The following SORT1 variants were observed in gnomAD, a reference collection of about 807,000 sequenced individuals.
The protein encoded by SORT1 is sortilin.
SORT1 carries 39 observed loss-of-function variants against 101.7 expected under a neutral mutation model. The ratio of observed to expected loss-of-function variants is 0.38; its 90% CI spans 0.30 to 0.50. The LOEUF (loss-of-function observed/expected upper bound fraction) is 0.50, where lower values mean the gene tolerates loss of function less well. Ranked by LOEUF, SORT1 falls within the 20% of genes least tolerant of loss-of-function variation. SORT1 has a pLI of 0.90. For synonymous variants in SORT1, 396 were observed against 393.7 expected (o/e 1.01, Z -0.07); for missense variants, 878 against 1,040.4 (o/e 0.84, Z 2.15).
intron 1 of SORT1, among the ~76,000 whole-genome samples, chr1:109,395,631 G>C (rs1428271856): frequency 6.6e-6 from 1 of 152,194 alleles, no homozygotes; most frequent in Non-Finnish European, 1.5e-5. Flanking sequence ...TTCTTTACAT[G>C]TGGACTTCAA....
At position 109,333,205 on chromosome 1, in the gene SORT1, C is replaced by G. The variant is rs190517585; in HGVS notation, c.1371+3035G>C. ...CCTCCCAAAGTGCTGGGATTACAGGCGTGAGCCACCACACCTGGCCTCAAT... is the reference window on the plus strand; with the variant it reads ...CCTCCCAAAGTGCTGGGATTACAGGGGTGAGCCACCACACCTGGCCTCAAT... On this transcript the variant is annotated intron_variant, in intron 11 of 19. Coordinates refer to ENST00000256637, the MANE Select transcript of SORT1 (RefSeq NM_002959.7). Among the ~76,000 whole-genome samples, 14 of 152,256 alleles carry G rather than the reference C, an allele frequency of 9.2e-5. No individual in the cohort carries two copies. The East Asian group carries it at 1.3e-3, about 15-fold the overall frequency.
rs1310770838 is a variant in SORT1, at chr1:109,314,392, C to A, written c.2358-8G>T. On this transcript the variant is annotated splice_polypyrimidine_tract_variant and splice_region_variant and intron_variant, in intron 18 of 19. Coordinates refer to ENST00000256637, the MANE Select transcript of SORT1 (RefSeq NM_002959.7). Reference sequence around the variant, plus strand: ...TATCGATGCACCAGGAACCTGTGAACAGAAACCTCCTTAACACTCGGTGGT... The same window carrying A: ...TATCGATGCACCAGGAACCTGTGAAAAGAAACCTCCTTAACACTCGGTGGT... 7 of 1,613,444 alleles carry A rather than the reference C, an allele frequency of 4.3e-6. No homozygotes were observed. The highest frequency in any genetic ancestry group is 5.1e-6 in the Non-Finnish European group (6 of 1,179,838).
rs757163280 is a variant in SORT1 at position 109,316,891 on chromosome 1, T to C, written c.2209A>G (p.Lys737Glu). The change falls in exon 17 of 20, where the codon AAA (lysine) becomes GAA (glutamate). Residue 737 changes from lysine to glutamate, a missense_variant. Around this residue, in one of 2 missense-constraint regions of SORT1, gnomAD observed 684 missense variants for 894.5 expected, o/e 0.76. Transcript: ENST00000256637. Reference protein sequence around the residue: ...VNPVREVKDLKKKCTSNFLSP... With the variant: ...VNPVREVKDLEKKCTSNFLSP... ...AAAAAGTTGCTTGTGCATTTCTTTTTCAAGTCTTTTACTTCTCGAACTGGA... is the reference window on the plus strand; with the variant it reads ...AAAAAGTTGCTTGTGCATTTCTTTTCCAAGTCTTTTACTTCTCGAACTGGA... 3.7e-6 allele frequency: 6 copies of C among 1,612,326 alleles called. No homozygotes were observed. In the African/African-American group the frequency reaches 8.0e-5, roughly 22 times the overall value.
chr1:109,389,759 G>C (rs1652791744), intron 1 of SORT1: 2 of 152,176 alleles, frequency 1.3e-5, no homozygotes, highest in African/African-American at 4.8e-5. Context: ...CAAGTATAAA[G>C]GATGGTCTGC....
chr1:109,377,829 C>T (rs1651961322), intron 1 of SORT1, among the ~76,000 whole-genome samples: 1 of 152,040 alleles, frequency 6.6e-6, no homozygotes, highest in African/African-American at 2.4e-5. Flanking sequence ...AGATAATATG[C>T]AAGTATCTTG....
At chr1:109,338,690 A>C (rs1365609369) in intron 10 of SORT1, among the ~76,000 whole-genome samples, 1 of 152,060 alleles carries the variant, frequency 6.6e-6, no homozygotes, top group Non-Finnish European at 1.5e-5. Context: ...TAGATTCAAA[A>C]CATCTTTTTT....
At position 109,348,521 on chromosome 1, in the gene SORT1, C is replaced by T. The variant is rs535758445; in HGVS notation, c.783-989G>A. On this transcript the variant is annotated intron_variant, in intron 6 of 19. Transcript: ENST00000256637. ...TGTTTATTTAAGTGACGGAGTCTTG[C>T]TCTGTCACCTAGTTTGGAGTGCAGT... Among the ~76,000 whole-genome samples the T allele has an allele frequency of 8.5e-5, 13 of 152,198 alleles. No homozygotes were observed. The East Asian group carries it at 2.1e-3, about 25-fold the overall frequency.
In SORT1 at chr1:109,314,022, G is replaced by T; in HGVS notation, c.*21C>A. ...GTACTGTGGTTCCACCATCCATGCT[G>T]GGTCCAGCTCCTCTGAAGAGCTATT... On this transcript the variant is annotated 3_prime_UTR_variant, in exon 20 of 20. Transcript: ENST00000256637. 6.2e-7 allele frequency: 1 copy of T among 1,613,018 alleles called. No homozygotes were observed. The highest frequency in any genetic ancestry group is 8.5e-7 in the Non-Finnish European group (1 of 1,179,028).
At position 109,342,097 on chromosome 1, in the gene SORT1, A is replaced by T; in HGVS notation, c.1025T>A (p.Leu342His). 1 of 1,613,060 alleles carries T rather than the reference A, an allele frequency of 6.2e-7. No individual in the cohort carries two copies. The highest frequency in any genetic ancestry group is 8.5e-7 in the Non-Finnish European group (1 of 1,179,126). The change falls in exon 9 of 20, where the codon CTC becomes CAC. Residue 342 changes from leucine to histidine, a missense_variant. Physicochemically the swap from Leu to His is moderately conservative, Grantham distance 99 (BLOSUM62 -3). This residue lies in a region of SORT1 where 684 missense variants were observed against 894.5 expected (regional missense o/e 0.76). Transcript: ENST00000256637. The stretch of plus-strand genomic sequence containing the variant: ...GAACTGTTCCTGTCCCACGGAGGGG[A>T]GCTGGGCCATGCTCCATGTGTCCCC... ...DQGDTWSMAQ[L>H]PSVGQEQFYS...
intron 10 of SORT1, among the ~76,000 whole-genome samples, chr1:109,339,532 G>A (rs1570919728): frequency 1.3e-5 from 2 of 152,266 alleles, no homozygotes; most frequent in East Asian, 3.9e-4. Context: ...GCAAATCAAA[G>A]CTATAAACGA....
chr1:109,338,785 TCTGTCCCTGCTGGA>T (rs1305546396), intron 10 of SORT1, among the ~76,000 whole-genome samples: 2 of 152,156 alleles, frequency 1.3e-5, no homozygotes, highest in Non-Finnish European at 2.9e-5. Context: ...ATGGGTTTGG[TCTGTCCCTGCTGGA>T]CTGTCCTCCT....
intron 1 of SORT1, among the ~76,000 whole-genome samples, chr1:109,396,906 G>A (rs1259612829): frequency 6.6e-6 from 1 of 152,142 alleles, no homozygotes; most frequent in Non-Finnish European, 1.5e-5. Flanking sequence ...TTGTCCCCAG[G>A]GACAGAAATC....
At chr1:109,373,557 G>A (rs1044342486) in intron 1 of SORT1, among the ~76,000 whole-genome samples, 1 of 152,048 alleles carries the variant, frequency 6.6e-6, no homozygotes, top group Non-Finnish European at 1.5e-5. Context: ...AGGAAACCTC[G>A]TTATTTCAAG....
In SORT1 at chr1:109,311,510, GC is replaced by G. The variant is rs1279842739; in HGVS notation, c.*2532del. The G allele has an allele frequency of 6.6e-6, 1 of 152,236 alleles. No homozygotes were observed. The highest frequency in any genetic ancestry group is 1.5e-5 in the Non-Finnish European group (1 of 68,046). 9.4% of individuals were successfully genotyped at this position (152,236 alleles called of 1,614,324 possible). ...GCTAACTAGCCAATAATGAGAATGA[GC>G]CAGGCTGGCTGTCAGTCTTCAAACC... is the stretch of plus-strand genomic sequence containing the variant. On this transcript the variant is annotated 3_prime_UTR_variant, in exon 20 of 20. Coordinates refer to ENST00000256637, the MANE Select transcript of SORT1 (RefSeq NM_002959.7).
At chr1:109,350,876 C>T (rs1020278847) in intron 6 of SORT1, 53 bp downstream of exon 6, 14 of 1,157,298 alleles carry the variant, frequency 1.2e-5, no homozygotes, top group Middle Eastern at 1.9e-4. Flanking sequence ...TTTTTGGCAG[C>T]GCTATCAGGA....
intron 1 of SORT1, among the ~76,000 whole-genome samples, chr1:109,389,082 T>C (rs1652748302): frequency 6.6e-6 from 1 of 152,250 alleles, no homozygotes; most frequent in Non-Finnish European, 1.5e-5. Flanking sequence ...TCTGCTTTAA[T>C]ACACATGCTC....
chr1:109,378,295 G>C (rs1269554720), intron 1 of SORT1, among the ~76,000 whole-genome samples: 1 of 151,940 alleles, frequency 6.6e-6, no homozygotes, highest in Non-Finnish European at 1.5e-5. Flanking sequence ...AGTTAAGGTT[G>C]AAATAGAAGG....
chr1:109,360,557 A>G (rs1022691257), intron 3 of SORT1, among the ~76,000 whole-genome samples: 22 of 150,926 alleles, frequency 1.5e-4, no homozygotes, highest in Non-Finnish European at 1.3e-4. Context: ...GCTGGTCTCA[A>G]AACTCCTGGC....
intron 1 of SORT1, among the ~76,000 whole-genome samples, chr1:109,392,056 T>C (rs1652946405): frequency 1.3e-5 from 2 of 152,252 alleles, no homozygotes; most frequent in African/African-American, 2.4e-5. Context: ...TGTGATGGCT[T>C]TGTCTGCCTT....
Sources: allele counts gnomAD v4.1 joint callset (sites outside exome capture counted in the v4.1 genomes callset), GRCh38; gene constraint gnomAD v4.1.1; regional missense constraint gnomAD v4.1.1; transcripts MANE v1.5; gene names NCBI Gene and HGNC (gene_info 2026-07-23, HGNC 2026-07-21).